The following CYP2C19 variants were observed in gnomAD, a reference collection of about 807,000 sequenced individuals.
CYP2C19 encodes the protein cytochrome P450 2C19.
CYP2C19 carries 59 observed loss-of-function variants against 40.9 expected under a neutral mutation model. That is an observed-to-expected ratio of 1.44 (90% CI 1.17 to 1.79). The LOEUF (loss-of-function observed/expected upper bound fraction) is 1.79, where lower values mean the gene tolerates loss of function less well. CYP2C19 is among the 40% of genes most tolerant of loss of function. CYP2C19 has a pLI of 0.00. For missense variants in CYP2C19, 754 were observed against 596.9 expected, an observed-to-expected ratio of 1.26 and a Z score of -2.74; for synonymous variants, 253 against 208.7, an observed-to-expected ratio of 1.21 and a Z score of -1.83.
chr10:94,780,279 G>A (rs1292631579), intron 3 of CYP2C19, among the ~76,000 whole-genome samples: 1 of 152,104 alleles, frequency 6.6e-6, no homozygotes, highest in Admixed American at 6.5e-5. Flanking sequence ...TTTAGCATTT[G>A]AGCAACCATT....
intron 6 of CYP2C19, among the ~76,000 whole-genome samples, chr10:94,830,292 C>G (rs532868880): frequency 6.6e-6 from 1 of 152,342 alleles, no homozygotes; most frequent in Non-Finnish European, 1.5e-5. Flanking sequence ...GACTGCTGTG[C>G]TAGCAATTAG....
At chr10:94,823,721 T>C (rs1049228794) in intron 6 of CYP2C19, among the ~76,000 whole-genome samples, 9 of 152,188 alleles carry the variant, frequency 5.9e-5, no homozygotes, top group African/African-American at 1.9e-4. Context: ...ATTTAGCATA[T>C]TAATAGAAAT....
chr10:94,823,961 G>C (rs1207959814), intron 6 of CYP2C19, among the ~76,000 whole-genome samples: 2 of 152,142 alleles, frequency 1.3e-5, no homozygotes, highest in African/African-American at 4.8e-5. Flanking sequence ...ATTCAGAAGT[G>C]AGATGAGACA....
rs1288826456 is a variant in CYP2C19 at position 94,850,063 on chromosome 10, T to C, written c.1291+5T>C. 1.2e-6 allele frequency: 2 copies of C among 1,613,074 alleles called. No individual in the cohort carries two copies. The highest frequency in any genetic ancestry group is 2.2e-5 in the East Asian group (1 of 44,856). On this transcript the variant is annotated splice_donor_5th_base_variant and intron_variant, in intron 8 of 8. Transcript: ENST00000371321. ...ACTTCATGCCTTTCTCAGCAGGTAA[T>C]ATAAATTTATTTCCCTTTGTGTTTC...
At chr10:94,774,131 G>A (rs1848373150) in intron 1 of CYP2C19, 1 of 152,212 alleles carries the variant, frequency 6.6e-6, no homozygotes, top group African/African-American at 2.4e-5. Context: ...ACCCGACACA[G>A]AAGCCCAGAT....
chr10:94,826,137 G>A lies in CYP2C19; in HGVS notation c.961+5500G>A, dbSNP rs1197142655. The stretch of plus-strand genomic sequence containing the variant: ...TTTGGCTTAGGAATGACTTGGTGAT[G>A]CGGGCTCTTTTTTGGTTCCATATGA... On this transcript the variant is annotated intron_variant, in intron 6 of 8. Transcript: ENST00000371321. Among the ~76,000 whole-genome samples the A allele has an allele frequency of 2.6e-5, 4 of 152,222 alleles. No individual in the cohort carries two copies. The South Asian group carries it at 6.2e-4, about 24-fold the overall frequency.
chr10:94,826,975 C>A (rs555356783), intron 6 of CYP2C19, among the ~76,000 whole-genome samples: 6 of 151,992 alleles, frequency 3.9e-5, no homozygotes, highest in Non-Finnish European at 8.8e-5. Context: ...TATTGATTTG[C>A]GTATATTGAA....
chr10:94,851,637 G>A (rs146761125), intron 8 of CYP2C19, among the ~76,000 whole-genome samples: 1 of 152,204 alleles, frequency 6.6e-6, no homozygotes, highest in Non-Finnish European at 1.5e-5. Context: ...TGAGGTGTCA[G>A]CAAGTTCACT....
chr10:94,801,258 C>T (rs1455536217), intron 5 of CYP2C19, among the ~76,000 whole-genome samples: 5 of 152,190 alleles, frequency 3.3e-5, no homozygotes, highest in Non-Finnish European at 5.9e-5. Flanking sequence ...CTACACAATG[C>T]TTTAAATGTG....
chr10:94,791,003 T>G (rs1172687071), intron 5 of CYP2C19, among the ~76,000 whole-genome samples: 1 of 152,122 alleles, frequency 6.6e-6, no homozygotes, highest in Non-Finnish European at 1.5e-5. Context: ...GTTCTGGACT[T>G]TTTTTGGTTG....
intron 5 of CYP2C19, among the ~76,000 whole-genome samples, chr10:94,814,356 G>A (rs1471762441): frequency 2.6e-5 from 4 of 151,986 alleles, no homozygotes; most frequent in Non-Finnish European, 4.4e-5. Context: ...CCCTTTGGTG[G>A]TGCCATATTT....
At chr10:94,769,589 C>T (rs114564928) in intron 1 of CYP2C19, among the ~76,000 whole-genome samples, 6,247 of 152,226 alleles carry the variant, frequency 0.041, 447 homozygotes, top group African/African-American at 0.14. Context: ...CTAGTCTCCA[C>T]AGACTGTTTG....
chr10:94,806,660 A>G (rs1418520390), intron 5 of CYP2C19, among the ~76,000 whole-genome samples: 1 of 148,130 alleles, frequency 6.8e-6, no homozygotes, highest in Non-Finnish European at 1.5e-5. Context: ...GCAAATGTAT[A>G]ATAGTAAAAA....
At chr10:94,834,549 CTTTTTTCTTTT>C (rs1399538319) in intron 6 of CYP2C19, among the ~76,000 whole-genome samples, 1 of 148,308 alleles carries the variant, frequency 6.7e-6, no homozygotes, top group Non-Finnish European at 1.5e-5. Context: ...GGTTTTCTTT[CTTTTTTCTTTT>C]TTTTTTTTGT....
At chr10:94,820,413 T>C (rs773152597) in intron 5 of CYP2C19, 83 bp from the exon 6 acceptor site, 25 of 1,488,108 alleles carry the variant, frequency 1.7e-5, no homozygotes, top group East Asian at 2.3e-5. Flanking sequence ...TTGGTAAGTA[T>C]ACAATGTGAG....
chr10:94,840,578 G>A (rs1237131894), intron 6 of CYP2C19, among the ~76,000 whole-genome samples: 2 of 152,178 alleles, frequency 1.3e-5, no homozygotes, highest in East Asian at 3.8e-4. Context: ...GGAGAATTTT[G>A]GGGCTACACT....
chr10:94,762,961 A>G (rs1848193489), intron 1 of CYP2C19, 88 bp downstream of exon 1: 1 of 1,346,830 alleles, frequency 7.4e-7, no homozygotes, highest in Non-Finnish European at 1.1e-6. Flanking sequence ...GTACAATGTT[A>G]CAAGAGATCA....
chr10:94,775,555 C>G lies in CYP2C19; in HGVS notation c.481+16C>G. ...AAAACCAAGGGTGGGTGAACATACT[C>G]TCTATCACTGACCTTTCTGGACTGC... On this transcript the variant is annotated intron_variant, in intron 3 of 8. Transcript: ENST00000371321. 1.9e-6 allele frequency: 3 copies of G among 1,613,920 alleles called. No homozygotes were observed. The highest frequency in any genetic ancestry group is 1.1e-5 in the South Asian group (1 of 91,076).
intron 8 of CYP2C19, among the ~76,000 whole-genome samples, chr10:94,851,431 C>G (rs1256698755): frequency 6.9e-6 from 1 of 145,660 alleles, no homozygotes; most frequent in African/African-American, 2.6e-5. Context: ...AGAGACAAAG[C>G]ATACCAGCAC....
Sources: gnomAD v4.1 joint callset for allele counts (sites outside exome capture counted in the v4.1 genomes callset) on GRCh38, gnomAD v4.1.1 for gene constraint, MANE v1.5 for transcripts, NCBI Gene and HGNC (gene_info 2026-07-23, HGNC 2026-07-21) for gene names.